NEDD4L: variants seen among roughly 807,000 people sequenced by gnomAD.
NEDD4L encodes NEDD4 like E3 ubiquitin protein ligase.
NEDD4L carries 54 observed loss-of-function variants against 148.9 expected under a neutral mutation model. The ratio of observed to expected loss-of-function variants is 0.36; its 90% confidence interval spans 0.29 to 0.45. NEDD4L has a LOEUF of 0.45. Among genes scored for constraint, NEDD4L ranks in the 20% least tolerant of loss-of-function variants. NEDD4L has a pLI of 1.00. For synonymous variants in NEDD4L, 433 were observed against 440.7 expected (o/e 0.98, Z 0.22); for missense variants, 856 against 1,233.8 (o/e 0.69, Z 4.59).
At position 58,315,991 on chromosome 18, in the gene NEDD4L, G is replaced by A. The variant is rs765817235; in HGVS notation, c.307G>A (p.Asp103Asn). ...GTTCTCTTCCTAACAGACACGAGACGACTTCCTGGGCCAGGTGGACGTGCC... is the reference window on the plus strand; with the variant it reads ...GTTCTCTTCCTAACAGACACGAGACAACTTCCTGGGCCAGGTGGACGTGCC... ...VFDENRLTRD[D>N]FLGQVDVPLS... Residue 103 changes from aspartate (D) to asparagine (N), a missense_variant, in exon 6 of 31, where the codon GAC becomes AAC. Physicochemically the swap from Asp to Asn is conservative, Grantham distance 23. Coordinates refer to ENST00000400345, the MANE Select transcript of NEDD4L (RefSeq NM_001144967.3). 6.2e-6 allele frequency: 10 copies of A among 1,613,414 alleles called. No individual in the cohort carries two copies. The highest frequency in any genetic ancestry group is 2.2e-5 in the South Asian group (2 of 91,070).
chr18:58,126,348 G>T (rs909170531), intron 1 of NEDD4L, among the ~76,000 whole-genome samples: 2 of 152,206 alleles, frequency 1.3e-5, no homozygotes, highest in African/African-American at 2.4e-5. Flanking sequence ...CTCTGTAGGT[G>T]TGCTGATTCT....
chr18:58,367,430 C>T (rs1452528050), intron 21 of NEDD4L, among the ~76,000 whole-genome samples: 2 of 152,150 alleles, frequency 1.3e-5, no homozygotes, highest in African/African-American at 4.8e-5. Context: ...CTGCACAGCC[C>T]CTTTATTATG....
chr18:58,177,676 A>G (rs1271415844), intron 2 of NEDD4L, among the ~76,000 whole-genome samples: 1 of 152,228 alleles, frequency 6.6e-6, no homozygotes, highest in Non-Finnish European at 1.5e-5. Context: ...CCCAAAAGTC[A>G]TGCTTTTAAA....
rs143865369 is a variant in NEDD4L, at chr18:58,296,033, G to A, written c.298-19949G>A. On this transcript the variant is annotated intron_variant, in intron 5 of 30. Transcript: ENST00000400345. ...ACACCAAAAGGCTTTGGGCAAGACA[G>A]AGGGAGCTTGTGTGTGCCCCCAGAC... is the stretch of plus-strand genomic sequence containing the variant. 4.6e-5 allele frequency among the ~76,000 whole-genome samples: 7 copies of A among 152,204 alleles called. No individual in the cohort carries two copies. The East Asian group carries it at 5.8e-4, about 13-fold the overall frequency.
chr18:58,304,632 A>G (rs556053509), intron 5 of NEDD4L, among the ~76,000 whole-genome samples: 1 of 152,374 alleles, frequency 6.6e-6, no homozygotes, highest in African/African-American at 2.4e-5. Context: ...TTGGTGATTG[A>G]GAAACCTTCC....
intron 19 of NEDD4L, among the ~76,000 whole-genome samples, chr18:58,362,170 G>A (rs2075408): frequency 0.049 from 7,448 of 152,264 alleles, 258 homozygotes; most frequent in East Asian, 0.12. Context: ...GCAAGGGAAC[G>A]GGCATCATAG....
intron 1 of NEDD4L, among the ~76,000 whole-genome samples, chr18:58,072,959 G>A (rs1301349792): frequency 6.6e-6 from 1 of 151,038 alleles, no homozygotes; most frequent in Non-Finnish European, 1.5e-5. Flanking sequence ...GAACATTGAA[G>A]CATCCAGAAA....
intron 2 of NEDD4L, among the ~76,000 whole-genome samples, chr18:58,217,841 C>G (rs1471991421): frequency 1.3e-5 from 2 of 152,108 alleles, no homozygotes; most frequent in African/African-American, 2.4e-5. Flanking sequence ...AATTTGGAAT[C>G]ATACTATGAT....
chr18:58,157,026 GAAA>G (rs71173036), intron 1 of NEDD4L, among the ~76,000 whole-genome samples: 2 of 143,432 alleles, frequency 1.4e-5, no homozygotes, highest in African/African-American at 2.6e-5. Flanking sequence ...AAAAATACAG[GAAA>G]AAAAAAAAAA....
chr18:58,343,884 A>G (rs1471684093), intron 16 of NEDD4L, among the ~76,000 whole-genome samples: 1 of 152,216 alleles, frequency 6.6e-6, no homozygotes, highest in African/African-American at 2.4e-5. Flanking sequence ...TTCCTGCTAT[A>G]TAATCTCTAT....
intron 5 of NEDD4L, among the ~76,000 whole-genome samples, chr18:58,309,450 C>G (rs1039738062): frequency 1.3e-5 from 2 of 152,170 alleles, no homozygotes; most frequent in African/African-American, 4.8e-5. Context: ...CCTATCCTGT[C>G]CAGAGCTCCA....
intron 5 of NEDD4L, among the ~76,000 whole-genome samples, chr18:58,257,481 G>A (rs2048757749): frequency 6.6e-6 from 1 of 152,140 alleles, no homozygotes; most frequent in Non-Finnish European, 1.5e-5. Flanking sequence ...CAAGGCTAGG[G>A]GAAACTGATG....
chr18:58,093,780 A>G (rs1347179159), intron 1 of NEDD4L, among the ~76,000 whole-genome samples: 1 of 152,216 alleles, frequency 6.6e-6, no homozygotes, highest in Non-Finnish European at 1.5e-5. Context: ...TTTATTCCAC[A>G]CAATAAGGAA....
At chr18:58,251,405 T>A (rs1393103187) in intron 4 of NEDD4L, among the ~76,000 whole-genome samples, 1 of 152,056 alleles carries the variant, frequency 6.6e-6, no homozygotes, top group South Asian at 2.1e-4. Context: ...TCCAAGCTAC[T>A]CAGGAGAGTG....
intron 1 of NEDD4L, among the ~76,000 whole-genome samples, chr18:58,130,242 G>A (rs1398565982): frequency 6.9e-6 from 1 of 144,650 alleles, no homozygotes; most frequent in Non-Finnish European, 1.5e-5. Context: ...AACTGTGGCT[G>A]TGTTGGGCTC....
chr18:58,187,494 A>G (rs1277691244), intron 2 of NEDD4L, among the ~76,000 whole-genome samples: 1 of 152,186 alleles, frequency 6.6e-6, no homozygotes, highest in Non-Finnish European at 1.5e-5. Flanking sequence ...ATTTAAATCT[A>G]AAAAATACAT....
rs570775118 is a variant in NEDD4L, at chr18:58,098,446, G to A, written c.48+53738G>A. Among the ~76,000 whole-genome samples the A allele has an allele frequency of 2.0e-5, 3 of 152,254 alleles. No individual in the cohort carries two copies. The East Asian group carries it at 5.8e-4, about 29-fold the overall frequency. On this transcript the variant is annotated intron_variant, in intron 1 of 30. Coordinates refer to ENST00000400345, the MANE Select transcript of NEDD4L (RefSeq NM_001144967.3). ...GCCTCCGGGCCTTTGATCGTGGAGC[G>A]CCATGATACAGTGGCGTTGTCCTGA...
chr18:58,195,507 C>T (rs556765432), intron 2 of NEDD4L: 10 of 1,345,308 alleles, frequency 7.4e-6, no homozygotes, highest in East Asian at 4.6e-5. Context: ...TGGGTGGCTG[C>T]GCAGGGCCCT....
At position 58,307,549 on chromosome 18, in the gene NEDD4L, C is replaced by T. The variant is rs372487110; in HGVS notation, c.298-8433C>T. ...TGTCCTTGTGTAAACCTGTATGACT[C>T]TAGTTCAGAGTCTTCAGTAATTGCA... On this transcript the variant is annotated intron_variant, in intron 5 of 30. Coordinates refer to ENST00000400345, the MANE Select transcript of NEDD4L (RefSeq NM_001144967.3). Among the ~76,000 whole-genome samples, 39 of 152,248 alleles carry T rather than the reference C, an allele frequency of 2.6e-4. No individual in the cohort carries two copies. In the South Asian group the frequency reaches 7.7e-3, roughly 30 times the overall value.
Sources: allele counts gnomAD v4.1 joint callset (sites outside exome capture counted in the v4.1 genomes callset), GRCh38; gene constraint gnomAD v4.1.1; transcripts MANE v1.5; gene names NCBI Gene and HGNC (gene_info 2026-07-23, HGNC 2026-07-21).